CELA3A: variants seen among roughly 807,000 people sequenced by gnomAD.
The protein encoded by CELA3A is chymotrypsin like elastase 3A.
A neutral mutation model predicts 38.6 loss-of-function variants in CELA3A; 35 were observed. That is an observed-to-expected ratio of 0.91 (90% CI 0.69 to 1.20). The LOEUF is 1.20. CELA3A is among the 50% of genes most tolerant of loss of function. The pLI, the probability that CELA3A is intolerant of heterozygous loss-of-function variation, is 0.00. For missense variants in CELA3A, 343 were observed against 354.2 expected (o/e 0.97, Z 0.25); for synonymous variants, 143 against 136.7 (o/e 1.05, Z -0.32).
At chr1:22,004,096 G>A (rs1158616235) in intron 2 of CELA3A, among the ~76,000 whole-genome samples, 1 of 129,548 alleles carries the variant, frequency 7.7e-6, no homozygotes, top group East Asian at 2.1e-4. Context: ...TTTTGAGACA[G>A]GGTCTTGCTG....
Position 22,012,194 on chromosome 1 carries a change from C to CAT in CELA3A, c.796-246_796-245dup, listed in dbSNP as rs771276729. Among the ~76,000 whole-genome samples, 22 of 127,508 alleles carry CAT rather than the reference C, an allele frequency of 1.7e-4. 5 individuals are homozygous for CAT. The highest frequency in any genetic ancestry group is 7.1e-4 in the Admixed American group (8 of 11,318). The allele number at this position is 127,508 out of a possible 152,430, so 83.7% of individuals were successfully genotyped here. ...ACACATATACACACACATGCATATA[C>CAT]ATATATATATACATACACATCCCAT... On this transcript the variant is annotated intron_variant, in intron 7 of 7. Transcript: ENST00000290122.
intron 4 of CELA3A, among the ~76,000 whole-genome samples, 200 bp from the exon 5 acceptor site, chr1:22,006,678 C>G (rs978797821): frequency 1.3e-5 from 2 of 149,514 alleles, no homozygotes; most frequent in African/African-American, 5.0e-5. Context: ...GATTGTGACA[C>G]TGCACTCCAG....
chr1:22,007,337 C>G, intron 5 of CELA3A, 36 bp from the exon 6 acceptor site: 1 of 1,586,904 alleles, frequency 6.3e-7, no homozygotes, highest in East Asian at 2.2e-5. Context: ...GCGGTGTGCC[C>G]CCAGACCCCT....
chr1:22,009,113 C>A (rs1278881852), intron 6 of CELA3A, among the ~76,000 whole-genome samples: 4 of 151,290 alleles, frequency 2.6e-5, no homozygotes, highest in Non-Finnish European at 4.4e-5. Context: ...CGCCTGTAAT[C>A]CCAGCACTTC....
chr1:22,007,352 CGGT>C lies in CELA3A; in HGVS notation c.500-19_500-17del. On this transcript the variant is annotated intron_variant, in intron 5 of 7. Transcript: ENST00000290122. ...GCGGTGTGCCCCCAGACCCCTGACT[CGGT>C]GCTTTTTATCCTTGCAGCCAATGGG... 6.3e-7 allele frequency: 1 copy of C among 1,599,818 alleles called. No individual in the cohort carries two copies. The highest frequency in any genetic ancestry group is 1.7e-5 in the Admixed American group (1 of 58,370).
chr1:22,009,814 C>A lies in CELA3A; in HGVS notation c.752C>A (p.Thr251Lys), dbSNP rs775191825. The change falls in exon 7 of 8, where the codon ACG becomes AAG. Residue 251 changes from threonine (T) to lysine (K), a missense_variant. Coordinates refer to ENST00000290122, the MANE Select transcript of CELA3A (RefSeq NM_005747.5). ...AFGCNFIWKPTVFTRVSAFID... is the reference protein window; with the variant it reads ...AFGCNFIWKPKVFTRVSAFID... The stretch of plus-strand genomic sequence containing the variant: ...GGCTGCAACTTCATCTGGAAGCCCA[C>A]GGTGTTCACTCGAGTCTCCGCCTTC... 2 of 1,612,422 alleles carry A rather than the reference C, an allele frequency of 1.2e-6. No individual in the cohort carries two copies. Among genetic ancestry groups the A allele is most frequent in the South Asian group, 1.1e-5 (1 of 91,014 alleles).
chr1:22,006,005 C>A, intron 4 of CELA3A: 2 of 760,536 alleles, frequency 2.6e-6, no homozygotes, highest in Non-Finnish European at 4.2e-6. Flanking sequence ...CACCACCAAA[C>A]CTGTCTCCCT....
At position 22,007,500 on chromosome 1, in the gene CELA3A, C is replaced by A; in HGVS notation, c.627C>A (p.Ile209=). ...CCATGGTGTGTGCTGGAGGGTACAT[C>A]CGCTCCGGCTGCAACGTGAGTCAGC... ...KKTMVCAGGY[I]RSGCNGDSGG... is the part of the protein sequence containing the mutation. Residue 209 remains isoleucine, a synonymous_variant, in exon 6 of 8, where the codon ATC becomes ATA. Transcript: ENST00000290122. 6.2e-7 allele frequency: 1 copy of A among 1,610,508 alleles called. No homozygotes were observed.
intron 2 of CELA3A, among the ~76,000 whole-genome samples, chr1:22,004,620 G>C (rs1323350425): frequency 6.6e-6 from 1 of 151,962 alleles, no homozygotes; most frequent in African/African-American, 2.4e-5. Context: ...ACTATTTCCA[G>C]GACATCTTTA....
intron 5 of CELA3A, 40 bp downstream of exon 5, chr1:22,007,054 C>T (rs1557873485): frequency 6.2e-7 from 1 of 1,605,236 alleles, no homozygotes. Context: ...GAGACAGTGG[C>T]AGAAAGACAG....
At chr1:22,003,988 G>A (rs1644933915) in intron 2 of CELA3A, among the ~76,000 whole-genome samples, 1 of 150,890 alleles carries the variant, frequency 6.6e-6, no homozygotes, top group Non-Finnish European at 1.5e-5. Context: ...ACAGGTGTGA[G>A]TCACTGCACC....
rs1280647673 is a variant in CELA3A at position 22,001,816 on chromosome 1, G to A, written c.43+99G>A. ...TGAGTCCCATGACATGCTATGCCTG[G>A]TTCCACAGGAGGGGGTCTCAGCTTG... On this transcript the variant is annotated intron_variant, in intron 1 of 7. Coordinates refer to ENST00000290122, the MANE Select transcript of CELA3A (RefSeq NM_005747.5). The A allele has an allele frequency of 4.3e-5, 66 of 1,525,862 alleles. 2 individuals are homozygous for A. The highest frequency in any genetic ancestry group is 4.4e-5 in the Non-Finnish European group (48 of 1,102,276). The allele number at this position is 1,525,862 out of a possible 1,614,324, so 94.5% of individuals were successfully genotyped here. A position where few individuals can be genotyped will look rare whatever the true frequency, so the allele number is the denominator to read the frequency against.
chr1:22,006,917 G>A lies in CELA3A; in HGVS notation c.402G>A (p.Gln134=), dbSNP rs1644954265. 1 of 1,612,314 alleles carries A rather than the reference G, an allele frequency of 6.2e-7. No individual in the cohort carries two copies. Among genetic ancestry groups the A allele is most frequent in the Non-Finnish European group, 8.5e-7 (1 of 1,179,430 alleles). Residue 134 remains glutamine, a synonymous_variant, in exon 5 of 8, where the codon CAG becomes CAA. Transcript: ENST00000290122. ...IALIKLSRSA[Q]LGDAVQLASL... Reference sequence around the variant, plus strand: ...TCATCAAGCTCTCACGCAGCGCCCAGCTGGGAGATGCCGTCCAGCTCGCCT... The same window carrying A: ...TCATCAAGCTCTCACGCAGCGCCCAACTGGGAGATGCCGTCCAGCTCGCCT...
At chr1:22,004,155 T>G (rs1339574669) in intron 2 of CELA3A, among the ~76,000 whole-genome samples, 2 of 148,242 alleles carry the variant, frequency 1.3e-5, no homozygotes, top group Non-Finnish European at 3.0e-5. Context: ...TACTGCAGCC[T>G]TGACCTCCTA....
At chr1:22,009,586 C>G (rs552741008) in intron 6 of CELA3A, 119 bp from the exon 7 acceptor site, 8 of 1,234,502 alleles carry the variant, frequency 6.5e-6, no homozygotes, top group Admixed American at 5.8e-5. Flanking sequence ...AAAAAATGAG[C>G]GAGCTAAGGC....
At chr1:22,007,335 C>T (rs1447222527) in intron 5 of CELA3A, 38 bp from the exon 6 acceptor site, 1 of 1,580,896 alleles carries the variant, frequency 6.3e-7, no homozygotes, top group East Asian at 2.3e-5. Context: ...TAGCGGTGTG[C>T]CCCCAGACCC....
At chr1:22,002,586 T>C in intron 1 of CELA3A, 1 of 456,168 alleles carries the variant, frequency 2.2e-6, no homozygotes, top group Non-Finnish European at 4.4e-6. Flanking sequence ...CAAGCGATCC[T>C]CCCGCCTCGG....
intron 6 of CELA3A, among the ~76,000 whole-genome samples, chr1:22,008,344 T>G (rs1248717728): frequency 1.3e-5 from 2 of 150,324 alleles, no homozygotes; most frequent in Non-Finnish European, 3.0e-5. Context: ...AGAGATGAGG[T>G]CTCACCATGT....
rs1175262901 is a variant in CELA3A at position 22,009,763 on chromosome 1, G to C, written c.701G>C (p.Gly234Ala). Reference protein sequence around the residue: ...PTEDGGWQVHGVTSFVSAFGC... With the variant: ...PTEDGGWQVHAVTSFVSAFGC... ...GAGGATGGTGGCTGGCAGGTCCACG[G>C]TGTGACCAGCTTTGTTTCTGCCTTT... Residue 234 changes from glycine (G) to alanine (A), a missense_variant, in exon 7 of 8, where the codon GGT becomes GCT. Physicochemically the swap from Gly to Ala is moderately conservative, Grantham distance 60. Coordinates refer to ENST00000290122, the MANE Select transcript of CELA3A (RefSeq NM_005747.5). 6.2e-7 allele frequency: 1 copy of C among 1,612,142 alleles called. No individual in the cohort carries two copies. The highest frequency in any genetic ancestry group is 1.1e-5 in the South Asian group (1 of 91,014).
Sources: gnomAD v4.1 joint callset for allele counts (sites outside exome capture counted in the v4.1 genomes callset) on GRCh38, gnomAD v4.1.1 for gene constraint, MANE v1.5 for transcripts, NCBI Gene and HGNC (gene_info 2026-07-23, HGNC 2026-07-21) for gene names.